Variants in NRG2 observed in about 807,000 individuals in gnomAD.
NRG2 encodes the protein neuregulin 2, also known as pro-neuregulin-2, membrane-bound isoform.
NRG2 carries 27 observed loss-of-function variants against 73.9 expected under a neutral mutation model. The observed-to-expected ratio is 0.37, with a 90% confidence interval of 0.27 to 0.50. The LOEUF (loss-of-function observed/expected upper bound fraction) is 0.50. Ranked by LOEUF, NRG2 falls within the 20% of genes least tolerant of loss-of-function variation. NRG2 has a pLI of 0.96. For missense variants in NRG2, 1,126 were observed against 1,210.1 expected (o/e 0.93, Z 1.03); for synonymous variants, 532 against 541.0 (o/e 0.98, Z 0.23).
chr5:140,043,167 G>C lies in NRG2; in HGVS notation c.-98C>G. 1 of 1,380,084 alleles carries C rather than the reference G, an allele frequency of 7.2e-7. No individual in the cohort carries two copies. The highest frequency in any genetic ancestry group is 9.7e-7 in the Non-Finnish European group (1 of 1,034,344). 85.5% of individuals were successfully genotyped at this position (1,380,084 alleles called of 1,614,324 possible). On this transcript the variant is annotated 5_prime_UTR_variant, in exon 1 of 10. Coordinates refer to ENST00000361474, the MANE Select transcript of NRG2 (RefSeq NM_004883.3). This position sits in a 1 kb window ranked among gnomAD's most constrained non-coding sequence, Gnocchi z 6.7. ...AAACCGGAAACAGCGTAACGTTAGC[G>C]CCTCTTAGCCCTCCACCGGCAGCCC...
chr5:139,864,278 G>C (rs1183105429), intron 5 of NRG2, among the ~76,000 whole-genome samples: 2 of 152,250 alleles, frequency 1.3e-5, no homozygotes, highest in East Asian at 3.9e-4. Context: ...ACCTGGTGGT[G>C]CTGGAAGGAA....
intron 1 of NRG2, among the ~76,000 whole-genome samples, chr5:140,031,577 T>C (rs1172140361): frequency 6.6e-6 from 1 of 152,166 alleles, no homozygotes; most frequent in Non-Finnish European, 1.5e-5. Flanking sequence ...TTTTCTCTCA[T>C]CCAGAGACAG....
chr5:139,956,569 C>T (rs1038705482), intron 1 of NRG2, among the ~76,000 whole-genome samples: 1 of 152,124 alleles, frequency 6.6e-6, no homozygotes, highest in African/African-American at 2.4e-5. Context: ...CCCTTCCTTT[C>T]TGAAGATGTG....
chr5:139,896,775 C>T (rs1050917258), intron 1 of NRG2, among the ~76,000 whole-genome samples: 3 of 152,140 alleles, frequency 2.0e-5, no homozygotes, highest in Admixed American at 6.5e-5. Context: ...CAGGCCCTGG[C>T]TCAGGTCATA....
chr5:139,862,524 C>T (rs974295988), intron 5 of NRG2, among the ~76,000 whole-genome samples: 1 of 152,378 alleles, frequency 6.6e-6, no homozygotes. Context: ...GTAACCATGG[C>T]AACCTGATGC....
intron 3 of NRG2, among the ~76,000 whole-genome samples, chr5:139,875,506 G>A (rs769974767): frequency 3.9e-5 from 6 of 152,162 alleles, no homozygotes; most frequent in Non-Finnish European, 8.8e-5. Flanking sequence ...AAAGTGCCCT[G>A]TGCTACCATC....
chr5:139,953,253 A>C (rs1432743179), intron 1 of NRG2, among the ~76,000 whole-genome samples: 1 of 152,130 alleles, frequency 6.6e-6, no homozygotes, highest in East Asian at 1.9e-4. Context: ...AGCCGTGGAC[A>C]TAGCCAAAAA....
intron 1 of NRG2, among the ~76,000 whole-genome samples, chr5:140,014,644 A>G (rs543518325): frequency 2.0e-5 from 3 of 152,076 alleles, no homozygotes; most frequent in Admixed American, 6.5e-5. Flanking sequence ...GCCTCTTCTC[A>G]TCCCCTCTTT....
chr5:139,887,165 G>A lies in NRG2; in HGVS notation c.872+175C>T, dbSNP rs923033390. ...GGGCCACCATGACCAGAGGGTCCCC[G>A]AGCTGCAGGAAGAAGGCTGGGAGTG... On this transcript the variant is annotated intron_variant, in intron 2 of 9. Coordinates refer to ENST00000361474, the MANE Select transcript of NRG2 (RefSeq NM_004883.3). This position sits in a 1 kb window ranked among gnomAD's most constrained non-coding sequence, Gnocchi z 4.5. Among the ~76,000 whole-genome samples, 3 of 152,202 alleles carry A rather than the reference G, an allele frequency of 2.0e-5. No individual in the cohort carries two copies. The highest frequency in any genetic ancestry group is 1.9e-4 in the East Asian group (1 of 5,194).
rs765815054 is a variant in NRG2 at position 139,865,127 on chromosome 5, C to T, written c.1189+422G>A. 3 of 1,613,464 alleles carry T rather than the reference C, an allele frequency of 1.9e-6. No homozygotes were observed. Among genetic ancestry groups the T allele is most frequent in the Non-Finnish European group, 2.5e-6 (3 of 1,179,434 alleles). ...GAAAGAGACATACTGGAGAAGTTGA[C>T]CATTGCGAACTGCTGACACCTGTCC... On this transcript the variant is annotated intron_variant, in intron 5 of 9. Coordinates refer to ENST00000361474, the MANE Select transcript of NRG2 (RefSeq NM_004883.3). The surrounding 1 kb of genome is among the most constrained non-coding windows in gnomAD (Gnocchi z 5.2).
intron 1 of NRG2, among the ~76,000 whole-genome samples, chr5:139,906,492 C>T (rs1765239752): frequency 6.6e-6 from 1 of 152,196 alleles, no homozygotes; most frequent in Non-Finnish European, 1.5e-5. Flanking sequence ...TATCTCCTCT[C>T]ATACCTTTGC....
At chr5:139,939,213 TTC>T in intron 1 of NRG2, among the ~76,000 whole-genome samples, 1 of 125,538 alleles carries the variant, frequency 8.0e-6, no homozygotes, top group Non-Finnish European at 1.6e-5. Context: ...CTTTCCTTCC[TTC>T]CTTCCTTCCT....
At chr5:139,970,378 C>T (rs1755874909) in intron 1 of NRG2, among the ~76,000 whole-genome samples, 2 of 152,116 alleles carry the variant, frequency 1.3e-5, no homozygotes, top group South Asian at 4.2e-4. Flanking sequence ...GTTGATAAAA[C>T]CTCACATGAT....
intron 1 of NRG2, among the ~76,000 whole-genome samples, chr5:139,980,485 G>T (rs1756712676): frequency 6.6e-6 from 1 of 152,092 alleles, no homozygotes; most frequent in African/African-American, 2.4e-5. Flanking sequence ...TCTGCTCTTA[G>T]CCCAAGTCTG....
At chr5:139,945,740 A>G (rs1753757607) in intron 1 of NRG2, among the ~76,000 whole-genome samples, 1 of 152,076 alleles carries the variant, frequency 6.6e-6, no homozygotes, top group South Asian at 2.1e-4. Context: ...AAAAAAAGCC[A>G]TTAGAATGAA....
chr5:139,858,525 G>A (rs1761947588), intron 5 of NRG2, among the ~76,000 whole-genome samples: 1 of 152,220 alleles, frequency 6.6e-6, no homozygotes, highest in African/African-American at 2.4e-5. Context: ...TGTGAGCCCA[G>A]GAGGGCAGGG....
chr5:139,940,834 T>C (rs1014223867), intron 1 of NRG2, among the ~76,000 whole-genome samples: 2 of 152,034 alleles, frequency 1.3e-5, no homozygotes, highest in South Asian at 2.1e-4. Flanking sequence ...TTTTTTGCCA[T>C]GTACATTTAA....
At chr5:139,993,556 C>T (rs556857812) in intron 1 of NRG2, among the ~76,000 whole-genome samples, 3 of 152,276 alleles carry the variant, frequency 2.0e-5, no homozygotes, top group African/African-American at 7.2e-5. Context: ...AGTCTCACAT[C>T]ATTGTTTTAA....
At chr5:140,019,397 C>G (rs1429836150) in intron 1 of NRG2, 1 of 152,258 alleles carries the variant, frequency 6.6e-6, no homozygotes, top group African/African-American at 2.4e-5. Context: ...CCACATTAGA[C>G]AGGAGGGAAC....
Sources: gnomAD v4.1 joint callset for allele counts (sites outside exome capture counted in the v4.1 genomes callset) on GRCh38, gnomAD v4.1.1 for gene constraint, Gnocchi (gnomAD v3.1) non-coding constraint, MANE v1.5 for transcripts, NCBI Gene and HGNC (gene_info 2026-07-23, HGNC 2026-07-21) for gene names.